Variants in IL1RAPL2 observed in about 807,000 individuals in gnomAD.
IL1RAPL2 encodes interleukin 1 receptor accessory protein like 2, also known as X-linked interleukin-1 receptor accessory protein-like 2.
Under a neutral mutation model 44.1 loss-of-function variants are expected in IL1RAPL2, and 3 were observed. The ratio of observed to expected loss-of-function variants is 0.07; its 90% CI spans 0.03 to 0.18. The LOEUF (loss-of-function observed/expected upper bound fraction) is 0.18, where lower values mean the gene tolerates loss of function less well. Among genes scored for constraint, IL1RAPL2 ranks in the 10% least tolerant of loss-of-function variants. The pLI, the probability that IL1RAPL2 is intolerant of heterozygous loss-of-function variation, is 1.00. For synonymous variants in IL1RAPL2, 181 were observed against 178.8 expected (o/e 1.01, Z -0.10); for missense variants, 391 against 496.4 (o/e 0.79, Z 2.02).
intron 2 of IL1RAPL2, among the ~76,000 whole-genome samples, chrX:105,015,014 G>T (rs1163389468): frequency 9.0e-6 from 1 of 111,718 alleles, no homozygotes; most frequent in Non-Finnish European, 1.9e-5. Context: ...ATTCTAATTG[G>T]CATGAGATAG....
chrX:105,600,652 G>C (rs1231815912), intron 6 of IL1RAPL2, among the ~76,000 whole-genome samples: 1 of 100,677 alleles, frequency 9.9e-6, no homozygotes, highest in Admixed American at 1.1e-4. Context: ...TTATAATTTA[G>C]TTAATTTGAT....
At chrX:104,733,657 A>G (rs868186042) in intron 2 of IL1RAPL2, among the ~76,000 whole-genome samples, 1 of 97,211 alleles carries the variant, frequency 1.0e-5, no homozygotes, top group Non-Finnish European at 2.2e-5. Flanking sequence ...AGTAATAATA[A>G]TAATCATGCA....
At chrX:104,867,633 C>T (rs929705065) in intron 2 of IL1RAPL2, among the ~76,000 whole-genome samples, 3 of 111,248 alleles carry the variant, frequency 2.7e-5, no homozygotes, top group Non-Finnish European at 5.7e-5. Context: ...ACCCTCTGAA[C>T]CAAGCTAAAG....
chrX:105,205,881 G>C (rs1013729725), intron 3 of IL1RAPL2, among the ~76,000 whole-genome samples: 13 of 110,571 alleles, frequency 1.2e-4, no homozygotes, highest in African/African-American at 4.3e-4. Flanking sequence ...TACAGGGGGA[G>C]AAGCAAGAAG....
intron 3 of IL1RAPL2, chrX:105,220,137 C>G (rs782485677): frequency 1.7e-6 from 2 of 1,210,352 alleles, no homozygotes; most frequent in East Asian, 3.0e-5. Flanking sequence ...GCACCCTGTG[C>G]CTTTGTAGCT....
At chrX:105,620,467 G>A (rs1234654704) in intron 6 of IL1RAPL2, among the ~76,000 whole-genome samples, 1 of 110,465 alleles carries the variant, frequency 9.1e-6, no homozygotes, top group Non-Finnish European at 1.9e-5. Flanking sequence ...GAGATAAAGT[G>A]CTTTATATGG....
intron 2 of IL1RAPL2, among the ~76,000 whole-genome samples, chrX:105,032,593 T>G (rs972539199): frequency 7.1e-5 from 8 of 111,896 alleles, no homozygotes; most frequent in Middle Eastern, 4.6e-3. Flanking sequence ...CTGAGAGACG[T>G]TTTGTTATAA....
At chrX:105,344,833 A>G (rs931095070) in intron 5 of IL1RAPL2, among the ~76,000 whole-genome samples, 11 of 112,029 alleles carry the variant, frequency 9.8e-5, no homozygotes, top group South Asian at 3.8e-4. Flanking sequence ...AGAGGGAAAT[A>G]CAAGGCAGAC....
chrX:104,871,354 T>G (rs1602771335), intron 2 of IL1RAPL2, among the ~76,000 whole-genome samples: 1 of 111,802 alleles, frequency 8.9e-6, no homozygotes, highest in African/African-American at 3.2e-5. Context: ...TGACATATTT[T>G]TCTATTGTCA....
intron 2 of IL1RAPL2, among the ~76,000 whole-genome samples, chrX:104,954,465 G>T (rs922809867): frequency 1.8e-5 from 2 of 112,438 alleles, no homozygotes; most frequent in East Asian, 5.6e-4. Flanking sequence ...AGTCTGATGG[G>T]CAAGACAGAT....
intron 2 of IL1RAPL2, among the ~76,000 whole-genome samples, chrX:105,148,390 T>C (rs73529914): frequency 0.068 from 7,581 of 111,670 alleles, 671 homozygotes; most frequent in African/African-American, 0.24. Flanking sequence ...TATGTGAAAA[T>C]GTACTTTACT....
chrX:104,963,934 T>TGAGA (rs201418326), intron 2 of IL1RAPL2, among the ~76,000 whole-genome samples: 13 of 102,689 alleles, frequency 1.3e-4, no homozygotes, highest in African/African-American at 2.9e-4. Flanking sequence ...TGTGTGTGTG[T>TGAGA]GAGAGAGAGA....
At chrX:105,637,212 C>T in intron 6 of IL1RAPL2, among the ~76,000 whole-genome samples, 1 of 111,948 alleles carries the variant, frequency 8.9e-6, no homozygotes, top group East Asian at 2.8e-4. Flanking sequence ...AAAGCCTTCT[C>T]TCTGCATATA....
At chrX:105,119,457 G>T (rs7052838) in intron 2 of IL1RAPL2, among the ~76,000 whole-genome samples, 74 of 110,691 alleles carry the variant, frequency 6.7e-4, no homozygotes, top group African/African-American at 2.4e-3. Flanking sequence ...ACAGCGGCTC[G>T]ATCCTGCATT....
chrX:105,716,987 G>A (rs909250653), intron 6 of IL1RAPL2, among the ~76,000 whole-genome samples: 5 of 111,609 alleles, frequency 4.5e-5, no homozygotes, highest in African/African-American at 1.6e-4. Context: ...GGAACATAGG[G>A]AGACCCTGTG....
At chrX:104,848,400 T>G (rs1216207811) in intron 2 of IL1RAPL2, among the ~76,000 whole-genome samples, 2 of 74,807 alleles carry the variant, frequency 2.7e-5, no homozygotes, top group Non-Finnish European at 4.9e-5. Flanking sequence ...TTTAAAAAGA[T>G]TTTTATCTGT....
chrX:105,027,598 A>G (rs1172472222), intron 2 of IL1RAPL2, among the ~76,000 whole-genome samples: 1 of 112,045 alleles, frequency 8.9e-6, no homozygotes, highest in Non-Finnish European at 1.9e-5. Flanking sequence ...ATTGATCATC[A>G]GAGAAATGCA....
intron 7 of IL1RAPL2, among the ~76,000 whole-genome samples, chrX:105,732,079 C>T (rs7883714): frequency 0.045 from 5,037 of 110,889 alleles, 293 homozygotes; most frequent in African/African-American, 0.15. Flanking sequence ...AAAAATATTA[C>T]GTATTAATAG....
chrX:105,380,717 T>C (rs1279872010), intron 5 of IL1RAPL2, among the ~76,000 whole-genome samples: 1 of 111,757 alleles, frequency 8.9e-6, no homozygotes, highest in Non-Finnish European at 1.9e-5. Context: ...GAGAAAACAC[T>C]GTTAGAAGAT....
Sources: allele counts gnomAD v4.1 joint callset (sites outside exome capture counted in the v4.1 genomes callset), GRCh38; gene constraint gnomAD v4.1.1; transcripts MANE v1.5; gene names NCBI Gene and HGNC (gene_info 2026-07-23, HGNC 2026-07-21).